The following GTF2F2 variants were observed in gnomAD, a reference collection of about 807,000 sequenced individuals.
GTF2F2 encodes general transcription factor IIF subunit 2.
Under a neutral mutation model 42.2 loss-of-function variants are expected in GTF2F2, and 23 were observed. That is an observed-to-expected ratio of 0.55 (90% CI 0.39 to 0.77). The LOEUF (loss-of-function observed/expected upper bound fraction) is 0.77, where lower values mean the gene tolerates loss of function less well. Ranked by LOEUF, GTF2F2 falls within the 30% of genes least tolerant of loss-of-function variation. The pLI, the probability that GTF2F2 is intolerant of heterozygous loss-of-function variation, is 0.00. For missense variants in GTF2F2, 261 were observed against 287.2 expected, an observed-to-expected ratio of 0.91 and a Z score of 0.66; for synonymous variants, 105 against 100.8, an observed-to-expected ratio of 1.04 and a Z score of -0.25.
intron 4 of GTF2F2, among the ~76,000 whole-genome samples, chr13:45,191,492 C>G (rs1872656188): frequency 6.6e-6 from 1 of 151,626 alleles, no homozygotes. Context: ...AAGCTTCACT[C>G]TGACTTATAA....
intron 1 of GTF2F2, among the ~76,000 whole-genome samples, chr13:45,120,942 G>A (rs1052393157): frequency 6.6e-6 from 1 of 152,160 alleles, no homozygotes; most frequent in Non-Finnish European, 1.5e-5. Context: ...CTCTGAATCT[G>A]CCTGGACTAG....
At chr13:45,271,001 G>A (rs963587744) in intron 7 of GTF2F2, among the ~76,000 whole-genome samples, 5 of 152,096 alleles carry the variant, frequency 3.3e-5, no homozygotes, top group African/African-American at 1.2e-4. Flanking sequence ...TTGAAAACTA[G>A]TCCCTGATTG....
At chr13:45,180,190 T>TATAA (rs1194222931) in intron 4 of GTF2F2, among the ~76,000 whole-genome samples, 18 of 152,194 alleles carry the variant, frequency 1.2e-4, no homozygotes, top group Non-Finnish European at 1.5e-5. Context: ...TAGTATAAAT[T>TATAA]ATAAATAAGT....
At chr13:45,191,414 C>T (rs904334948) in intron 4 of GTF2F2, among the ~76,000 whole-genome samples, 1 of 150,734 alleles carries the variant, frequency 6.6e-6, no homozygotes, top group African/African-American at 2.4e-5. Context: ...TTTTTTGGAA[C>T]AGTATTTACT....
intron 6 of GTF2F2, chr13:45,263,668 C>T (rs1876442288): frequency 6.6e-6 from 1 of 152,176 alleles, no homozygotes; most frequent in Non-Finnish European, 1.5e-5. Context: ...AATCTCATTA[C>T]TTAAGATTGA....
intron 5 of GTF2F2, among the ~76,000 whole-genome samples, chr13:45,221,719 C>G (rs1874125083): frequency 8.6e-6 from 1 of 116,738 alleles, no homozygotes; most frequent in African/African-American, 3.2e-5. Context: ...ATACCACTTC[C>G]CTGCTTATTG....
At chr13:45,264,099 G>A (rs1286221937) in intron 6 of GTF2F2, among the ~76,000 whole-genome samples, 1 of 152,124 alleles carries the variant, frequency 6.6e-6, no homozygotes, top group Non-Finnish European at 1.5e-5. Flanking sequence ...GGCAAATGTA[G>A]AGGTAGGCTG....
chr13:45,141,763 G>T (rs568100811), intron 2 of GTF2F2, among the ~76,000 whole-genome samples: 4 of 152,020 alleles, frequency 2.6e-5, no homozygotes, highest in Non-Finnish European at 5.9e-5. Flanking sequence ...TGCTTTAGAG[G>T]TGGCCATGGG....
intron 4 of GTF2F2, among the ~76,000 whole-genome samples, chr13:45,191,885 T>C (rs1435964757): frequency 6.6e-6 from 1 of 152,186 alleles, no homozygotes; most frequent in East Asian, 1.9e-4. Context: ...CCTCTTTGGA[T>C]TTGATAAAAA....
intron 6 of GTF2F2, among the ~76,000 whole-genome samples, chr13:45,266,321 G>C (rs1876557785): frequency 6.6e-6 from 1 of 152,188 alleles, no homozygotes; most frequent in Non-Finnish European, 1.5e-5. Flanking sequence ...TTGTGTCTGA[G>C]ATGATAAGTA....
At chr13:45,135,930 A>C (rs1869596261) in intron 1 of GTF2F2, among the ~76,000 whole-genome samples, 1 of 152,244 alleles carries the variant, frequency 6.6e-6, no homozygotes, top group African/African-American at 2.4e-5. Context: ...AAGAAATGAG[A>C]TAAGGTATAT....
chr13:45,160,077 G>T (rs113351487), intron 4 of GTF2F2, among the ~76,000 whole-genome samples: 60 of 152,184 alleles, frequency 3.9e-4, no homozygotes, highest in Non-Finnish European at 8.5e-4. Context: ...TCACTTTAAT[G>T]GAGCATTTCT....
intron 1 of GTF2F2, among the ~76,000 whole-genome samples, chr13:45,126,118 T>C (rs1221861695): frequency 6.6e-6 from 1 of 152,134 alleles, no homozygotes; most frequent in Admixed American, 6.5e-5. Context: ...TGTCACATCA[T>C]GATGTCCACT....
chr13:45,284,304 T>G lies in GTF2F2; in HGVS notation c.*743T>G, dbSNP rs1877381328. Reference sequence around the variant, plus strand: ...GGCTTGCCCCCAGAATTTTACTGCTTACCCAGCAGACATGTATTGACCATC... The same window carrying G: ...GGCTTGCCCCCAGAATTTTACTGCTGACCCAGCAGACATGTATTGACCATC... On this transcript the variant is annotated 3_prime_UTR_variant, in exon 8 of 8. Coordinates refer to ENST00000340473, the MANE Select transcript of GTF2F2 (RefSeq NM_004128.3). 1 of 152,172 alleles carries G rather than the reference T, an allele frequency of 6.6e-6. No individual in the cohort carries two copies. The highest frequency in any genetic ancestry group is 2.4e-5 in the African/African-American group (1 of 41,454). 9.4% of individuals were successfully genotyped at this position (152,172 alleles called of 1,614,324 possible). A position where few individuals can be genotyped will look rare whatever the true frequency, so the allele number is the denominator to read the frequency against.
intron 4 of GTF2F2, among the ~76,000 whole-genome samples, chr13:45,167,707 G>T (rs896616173): frequency 2.0e-4 from 31 of 151,836 alleles, no homozygotes; most frequent in African/African-American, 7.5e-4. Flanking sequence ...CCCCCCAGCT[G>T]ATTTTTGTGT....
intron 5 of GTF2F2, among the ~76,000 whole-genome samples, chr13:45,220,182 C>T (rs1167951348): frequency 1.3e-5 from 2 of 152,144 alleles, no homozygotes; most frequent in Non-Finnish European, 2.9e-5. Context: ...ACAAGCTGCC[C>T]AGGGTTTGAT....
chr13:45,134,953 CTTTTTT>C (rs879506133), intron 1 of GTF2F2, among the ~76,000 whole-genome samples: 5 of 142,782 alleles, frequency 3.5e-5, no homozygotes, highest in Admixed American at 7.0e-5. Context: ...TATTGTCTAA[CTTTTTT>C]TTTTTTTTTT....
chr13:45,183,145 G>T (rs1194070592), intron 4 of GTF2F2, among the ~76,000 whole-genome samples: 1 of 152,122 alleles, frequency 6.6e-6, no homozygotes, highest in Admixed American at 6.6e-5. Context: ...CACTTTGAAG[G>T]TTGCTTGGTT....
At chr13:45,165,704 T>C (rs1871262174) in intron 4 of GTF2F2, among the ~76,000 whole-genome samples, 1 of 151,958 alleles carries the variant, frequency 6.6e-6, no homozygotes, top group Non-Finnish European at 1.5e-5. Flanking sequence ...GTCATTCTTG[T>C]TTCAGCTATA....
Sources: gnomAD v4.1 joint callset for allele counts (sites outside exome capture counted in the v4.1 genomes callset) on GRCh38, gnomAD v4.1.1 for gene constraint, MANE v1.5 for transcripts, NCBI Gene and HGNC (gene_info 2026-07-23, HGNC 2026-07-21) for gene names.